Variants in MRNIP observed in about 807,000 individuals in gnomAD.
The protein encoded by MRNIP is MRN complex interacting protein.
In MRNIP, 30 loss-of-function variants were observed where a neutral mutation model predicts 29.8. That is an observed-to-expected ratio of 1.01 (90% confidence interval 0.75 to 1.36). MRNIP has a LOEUF of 1.36. MRNIP is among the 40% of genes most tolerant of loss of function. MRNIP has a pLI of 0.00. For synonymous variants in MRNIP, 201 were observed against 164.1 expected, an observed-to-expected ratio of 1.23 and a Z score of -1.72; for missense variants, 459 against 423.5, an observed-to-expected ratio of 1.08 and a Z score of -0.74.
In MRNIP at chr5:179,837,693, T is replaced by C; in HGVS notation, c.730A>G (p.Ser244Gly). 4 of 1,614,234 alleles carry C rather than the reference T, an allele frequency of 2.5e-6. No individual in the cohort carries two copies. Among genetic ancestry groups the C allele is most frequent in the South Asian group, 1.1e-5 (1 of 91,088 alleles). ...CTCTGAAGAGACCTTGGCTGCTCAC[T>C]GTCCACATGTGAACTTTTTCTAGGT... ...LPPRKSSHVD[S>G]EQPRSLQRDP... Residue 244 changes from serine (S) to glycine (G), a missense_variant, in exon 7 of 7, where the codon AGT (serine) becomes GGT (glycine). Transcript: ENST00000292586.
At chr5:179,852,793 G>A (rs1415469672) in intron 2 of MRNIP, among the ~76,000 whole-genome samples, 10 of 152,182 alleles carry the variant, frequency 6.6e-5, no homozygotes, top group Admixed American at 4.6e-4. Flanking sequence ...AGGACAGTTT[G>A]GGGTCCTAGA....
intron 4 of MRNIP, among the ~76,000 whole-genome samples, 185 bp from the exon 5 acceptor site, chr5:179,842,249 G>GC (rs1352518657): frequency 1.3e-5 from 2 of 152,108 alleles, no homozygotes; most frequent in African/African-American, 4.8e-5. Context: ...GTGCTCACTG[G>GC]CACAGGCCTC....
At chr5:179,838,247 A>C in intron 6 of MRNIP, 2 of 282,248 alleles carry the variant, frequency 7.1e-6, no homozygotes, top group Non-Finnish European at 1.4e-5. Context: ...CCATTCTGCT[A>C]CCTCCCACCG....
chr5:179,845,580 C>T (rs1040415339), intron 3 of MRNIP, among the ~76,000 whole-genome samples: 1 of 151,834 alleles, frequency 6.6e-6, no homozygotes, highest in African/African-American at 2.4e-5. Flanking sequence ...ACTGCAACCT[C>T]TGCCTCCCAG....
At chr5:179,842,153 T>C in intron 4 of MRNIP, 89 bp from the exon 5 acceptor site, 2 of 1,289,632 alleles carry the variant, frequency 1.6e-6, no homozygotes, top group African/African-American at 1.5e-5. Flanking sequence ...GGCCTGAGGA[T>C]CTCAGGAGTC....
At chr5:179,843,614 G>C (rs183648) in intron 4 of MRNIP, among the ~76,000 whole-genome samples, 96,550 of 151,992 alleles carry the variant, frequency 0.64, 31,477 homozygotes, top group East Asian at 0.79. Flanking sequence ...GTAGGGCACA[G>C]TTGTAGTCCC....
chr5:179,840,172 TCA>T (rs1272560154), intron 6 of MRNIP: 2 of 152,420 alleles, frequency 1.3e-5, no homozygotes, highest in East Asian at 3.9e-4. Flanking sequence ...ACTCCTGACC[TCA>T]AGTGATCCAC....
At chr5:179,855,990 C>T (rs10069530) in intron 1 of MRNIP, among the ~76,000 whole-genome samples, 1 of 147,786 alleles carries the variant, frequency 6.8e-6, no homozygotes, top group Admixed American at 6.8e-5. Context: ...CTCACTGCAA[C>T]CTCTGCCTCC....
At chr5:179,853,333 G>C (rs76805955) in intron 2 of MRNIP, 45 bp downstream of exon 2, 1 of 1,602,138 alleles carries the variant, frequency 6.2e-7, no homozygotes, top group African/African-American at 1.3e-5. Flanking sequence ...GGAAGGGCTC[G>C]CTGCAGGCCT....
intron 2 of MRNIP, chr5:179,851,030 T>C: frequency 2.9e-6 from 1 of 348,146 alleles, no homozygotes; most frequent in East Asian, 7.4e-5. Flanking sequence ...GACCTTATCA[T>C]CTTCCCAGGA....
At chr5:179,843,042 GAA>G (rs1758968850) in intron 4 of MRNIP, among the ~76,000 whole-genome samples, 1 of 57,528 alleles carries the variant, frequency 1.7e-5, no homozygotes, top group Admixed American at 1.7e-4. Flanking sequence ...AAGGAGGAAA[GAA>G]GGAAGGAAGG....
At chr5:179,854,121 C>T (rs532601928) in intron 1 of MRNIP, among the ~76,000 whole-genome samples, 22 of 151,408 alleles carry the variant, frequency 1.5e-4, no homozygotes, top group Admixed American at 3.9e-4. Context: ...CCCGGGTTCA[C>T]GCCATTCTCC....
intron 6 of MRNIP, 198 bp from the exon 7 acceptor site, chr5:179,838,083 CTGCTAAAT>C (rs1561613017): frequency 3.3e-6 from 2 of 599,032 alleles, no homozygotes; most frequent in Non-Finnish European, 5.9e-6. Context: ...CGCAAACCTT[CTGCTAAAT>C]TGCATGACCA....
chr5:179,841,136 T>C (rs1316345189), intron 5 of MRNIP, 177 bp from the exon 6 acceptor site: 1 of 582,836 alleles, frequency 1.7e-6, no homozygotes, highest in Non-Finnish European at 3.1e-6. Context: ...CTTCACAGCT[T>C]CTAGGTGCTA....
chr5:179,855,714 C>T (rs897333610), intron 1 of MRNIP, among the ~76,000 whole-genome samples: 42 of 152,072 alleles, frequency 2.8e-4, no homozygotes, highest in African/African-American at 8.4e-4. Context: ...AACATTAATA[C>T]GATTAATATG....
At chr5:179,841,829 A>T in intron 5 of MRNIP, 78 bp downstream of exon 5, 3 of 1,460,564 alleles carry the variant, frequency 2.1e-6, no homozygotes, top group Non-Finnish European at 2.8e-6. Flanking sequence ...GCTGACGCTC[A>T]CAGTGGCTCA....
chr5:179,853,706 A>G (rs1299418343), intron 1 of MRNIP, among the ~76,000 whole-genome samples: 1 of 151,532 alleles, frequency 6.6e-6, no homozygotes, highest in East Asian at 2.0e-4. Flanking sequence ...TGGGAGGTGG[A>G]GGTTGCAGTG....
chr5:179,839,515 G>GGGACTGGCCCGT (rs1330945528), intron 6 of MRNIP: 1 of 152,264 alleles, frequency 6.6e-6, no homozygotes, highest in Admixed American at 6.5e-5. Context: ...ATGCAGCCCA[G>GGGACTGGCCCGT]GGACTGGCCC....
At chr5:179,841,725 T>G (rs1451193093) in intron 5 of MRNIP, 182 bp downstream of exon 5, 10 of 653,878 alleles carry the variant, frequency 1.5e-5, no homozygotes, top group Admixed American at 8.5e-5. Context: ...GCACCAGCAG[T>G]GCCCAATGCC....
Sources: allele counts gnomAD v4.1 joint callset (sites outside exome capture counted in the v4.1 genomes callset), GRCh38; gene constraint gnomAD v4.1.1; transcripts MANE v1.5; gene names NCBI Gene and HGNC (gene_info 2026-07-23, HGNC 2026-07-21).